The following BLTP1 variants were observed in gnomAD, a reference collection of about 807,000 sequenced individuals.
BLTP1 encodes bridge-like lipid transfer protein family member 1.
At chr4:122,180,248 A>G in the BLTP1 span, 1 of 890,856 alleles carries the variant, frequency 1.1e-6, no homozygotes, top group Non-Finnish European at 1.3e-6. Context: ...CATTTTTTTC[A>G]TCTATAAAAT....
chr4:122,208,588 T>G, the BLTP1 span: 1 of 974,076 alleles, frequency 1.0e-6, no homozygotes, highest in Non-Finnish European at 1.2e-6. Flanking sequence ...TTTTAAAAAC[T>G]GAACTTAAAA....
chr4:122,189,306 TTGTGA>T, the BLTP1 span: 1 of 980,694 alleles, frequency 1.0e-6, no homozygotes, highest in Non-Finnish European at 1.2e-6. Context: ...CAAGAAGATA[TTGTGA>T]TGTATGTATG....
At chr4:122,200,066 G>C in the BLTP1 span, 3 of 965,900 alleles carry the variant, frequency 3.1e-6, no homozygotes, top group Non-Finnish European at 3.7e-6. Context: ...TTTCATATAA[G>C]ATGGTGCCAT....
chr4:122,295,857 A>T, the BLTP1 span, among the ~76,000 whole-genome samples: 1 of 152,240 alleles, frequency 6.6e-6, no homozygotes, highest in South Asian at 2.1e-4. Context: ...CAATAGATGC[A>T]TAAAAGGCCT....
chr4:122,210,022 T>C, the BLTP1 span: 1 of 1,459,388 alleles, frequency 6.9e-7, no homozygotes, highest in African/African-American at 1.4e-5. Flanking sequence ...CATCTATTCT[T>C]GTGACATAGT....
chr4:122,310,165 T>G, the BLTP1 span, among the ~76,000 whole-genome samples: 3 of 152,224 alleles, frequency 2.0e-5, no homozygotes, highest in African/African-American at 4.8e-5. Context: ...GCCCATTGTT[T>G]ATGTAATTTT....
At chr4:122,168,188 T>C in the BLTP1 span, among the ~76,000 whole-genome samples, 1,039 of 152,336 alleles carry the variant, frequency 6.8e-3, 12 homozygotes, top group African/African-American at 0.024. Context: ...TTGGGAAATA[T>C]TGATTGAAAC....
the BLTP1 span, among the ~76,000 whole-genome samples, chr4:122,265,238 A>G: frequency 0.033 from 4,956 of 152,306 alleles, 105 homozygotes; most frequent in Non-Finnish European, 0.053. Context: ...AGAATGGCAT[A>G]TATTTGCATA....
the BLTP1 span, among the ~76,000 whole-genome samples, chr4:122,208,942 A>G: frequency 6.1e-5 from 9 of 147,904 alleles, no homozygotes; most frequent in African/African-American, 2.0e-4. Context: ...TGAGTGCAGG[A>G]GTTCAAGGCT....
chr4:122,246,868 C>G, the BLTP1 span: 2 of 1,565,638 alleles, frequency 1.3e-6, no homozygotes, highest in African/African-American at 2.7e-5. Flanking sequence ...AAAAGCAAGC[C>G]TTGATCATCT....
At chr4:122,235,329 A>G in the BLTP1 span, 5 of 983,120 alleles carry the variant, frequency 5.1e-6, no homozygotes, top group Non-Finnish European at 6.0e-6. Flanking sequence ...CAGCATCCAG[A>G]TAAATACTTA....
chr4:122,248,084 A>G, the BLTP1 span: 2 of 985,068 alleles, frequency 2.0e-6, no homozygotes, highest in Admixed American at 6.2e-5. Context: ...TCCTGTCTGC[A>G]TTCTGGGTCT....
chr4:122,230,051 A>G, the BLTP1 span: 1 of 1,614,214 alleles, frequency 6.2e-7, no homozygotes, highest in East Asian at 2.2e-5. Flanking sequence ...TAATTGCAGA[A>G]TTGGACTTCA....
chr4:122,311,199 A>G, the BLTP1 span, among the ~76,000 whole-genome samples: 2 of 152,202 alleles, frequency 1.3e-5, no homozygotes, highest in Admixed American at 1.3e-4. Context: ...CTGACTCAGA[A>G]TCAGAAACAT....
chr4:122,204,433 T>C, the BLTP1 span: 1 of 819,486 alleles, frequency 1.2e-6, no homozygotes, highest in South Asian at 5.6e-5. Flanking sequence ...ATAGGGTAGC[T>C]GTTATTACTA....
chr4:122,225,200 G>A, the BLTP1 span: 3 of 223,022 alleles, frequency 1.3e-5, no homozygotes, highest in Non-Finnish European at 1.5e-5. Context: ...GTGGATAATA[G>A]TTTCAAAAAA....
chr4:122,299,180 GAT>G, the BLTP1 span: 5 of 979,798 alleles, frequency 5.1e-6, no homozygotes, highest in East Asian at 5.7e-4. Context: ...ACCAAATGCT[GAT>G]AAGGGTGTAT....
At chr4:122,312,613 A>AGGTACTATAC in the BLTP1 span, 9,602 of 153,042 alleles carry the variant, frequency 0.063, 461 homozygotes, top group East Asian at 0.18. Flanking sequence ...TGTGAGACAC[A>AGGTACTATAC]GGTACTATAC....
At chr4:122,229,298 A>G in the BLTP1 span, 3 of 1,315,652 alleles carry the variant, frequency 2.3e-6, no homozygotes, top group Non-Finnish European at 2.1e-6. Context: ...CCAAACCTCT[A>G]TTTCTTGAAA....
Sources: allele counts gnomAD v4.1 joint callset (sites outside exome capture counted in the v4.1 genomes callset), GRCh38; gene constraint gnomAD v4.1.1; transcripts MANE v1.5; gene names NCBI Gene and HGNC (gene_info 2026-07-23, HGNC 2026-07-21).